MTFR1: variants seen among roughly 807,000 people sequenced by gnomAD.
The protein encoded by MTFR1 is chondrocyte protein with a poly-proline region.
A neutral mutation model predicts 38.8 loss-of-function variants in MTFR1; 28 were observed. That is an observed-to-expected ratio of 0.72 (90% CI 0.53 to 0.99). The LOEUF (loss-of-function observed/expected upper bound fraction) is 0.99, where lower values mean the gene tolerates loss of function less well. MTFR1 is among the 50% of genes least tolerant of loss of function. The pLI is 0.00. For synonymous variants in MTFR1, 145 were observed against 137.0 expected (o/e 1.06, Z -0.41); for missense variants, 358 against 395.5 (o/e 0.91, Z 0.81).
rs141929984 is a variant in MTFR1, at chr8:65,752,870, T to TA, written c.*49-18076dup. On this transcript the variant is annotated intron_variant, in intron 3 of 3. Coordinates refer to the MTFR1 transcript ENST00000521247. Reference sequence around the variant, plus strand: ...GTTTGCTTTTCTCATTTCTATCCACTATAACCATTACTGTGTTCAGTATAA... The same window carrying TA: ...GTTTGCTTTTCTCATTTCTATCCACTAATAACCATTACTGTGTTCAGTATAA... 3.3e-4 allele frequency among the ~76,000 whole-genome samples: 50 copies of TA among 152,338 alleles called. No homozygotes were observed. The East Asian group carries it at 6.5e-3, about 20-fold the overall frequency.
chr8:65,705,511 C>G (rs1053662313), intron 5 of MTFR1, among the ~76,000 whole-genome samples: 13 of 152,132 alleles, frequency 8.5e-5, no homozygotes, highest in Admixed American at 2.6e-4. Flanking sequence ...TGGATGCTTT[C>G]CTTTCTAATG....
At chr8:65,682,641 A>AT (rs1210459526) in intron 3 of MTFR1, 190 bp downstream of exon 3, 4 of 607,656 alleles carry the variant, frequency 6.6e-6, no homozygotes, top group Non-Finnish European at 8.2e-6. Flanking sequence ...CGTGATTGAG[A>AT]TTTTTAAGAT....
At chr8:65,681,216 T>A (rs1804877726) in intron 2 of MTFR1, among the ~76,000 whole-genome samples, 2 of 149,980 alleles carry the variant, frequency 1.3e-5, no homozygotes, top group Admixed American at 1.3e-4. Context: ...CCGGCCTGGG[T>A]TCAAGCAGTT....
intron 1 of MTFR1, among the ~76,000 whole-genome samples, chr8:65,669,669 G>A (rs558373098): frequency 5.6e-4 from 85 of 151,670 alleles, no homozygotes; most frequent in Non-Finnish European, 1.0e-3. Flanking sequence ...CTCCTGCCTC[G>A]GCCTCCTGAG....
downstream of MTFR1, among the ~76,000 whole-genome samples, chr8:65,773,858 T>C (rs529053720): frequency 6.6e-6 from 1 of 152,340 alleles, no homozygotes; most frequent in African/African-American, 2.4e-5. Flanking sequence ...GTTATATTTT[T>C]CGAATTCTCT....
chr8:65,724,222 ATAGAT>A, intron 3 of MTFR1: 1 of 1,334,672 alleles, frequency 7.5e-7, no homozygotes, highest in Non-Finnish European at 1.1e-6. Flanking sequence ...AATGAACTGG[ATAGAT>A]TAATTATCAC....
downstream of MTFR1, among the ~76,000 whole-genome samples, chr8:65,774,726 A>G (rs2128922169): frequency 6.6e-6 from 1 of 152,020 alleles, no homozygotes; most frequent in African/African-American, 2.4e-5. Context: ...TAAAAAATTT[A>G]TTACTATAAA....
chr8:65,767,846 G>A (rs1052946814), intron 3 of MTFR1, among the ~76,000 whole-genome samples: 2 of 152,182 alleles, frequency 1.3e-5, no homozygotes, highest in Non-Finnish European at 2.9e-5. Context: ...GTGTTTCCCT[G>A]AATTCTGTGA....
chr8:65,682,878 T>C (rs1804945470), intron 3 of MTFR1: 5 of 985,408 alleles, frequency 5.1e-6, no homozygotes, highest in East Asian at 1.1e-4. Flanking sequence ...CTTTCCGTCA[T>C]TGGTTTCAAG....
At chr8:65,760,083 T>C (rs1808420769) in intron 3 of MTFR1, among the ~76,000 whole-genome samples, 1 of 151,956 alleles carries the variant, frequency 6.6e-6, no homozygotes, top group Admixed American at 6.6e-5. Context: ...CTACTAAAAA[T>C]GCAAAAATTA....
intron 3 of MTFR1, among the ~76,000 whole-genome samples, chr8:65,729,003 T>TA (rs145357915): frequency 0.025 from 3,802 of 150,674 alleles, 168 homozygotes; most frequent in African/African-American, 0.085. Flanking sequence ...TTTCTGCTTG[T>TA]AAAAAAAAAC....
chr8:65,650,213 T>C (rs1258603612), intron 1 of MTFR1, among the ~76,000 whole-genome samples: 2 of 115,482 alleles, frequency 1.7e-5, no homozygotes, highest in Non-Finnish European at 4.1e-5. Context: ...TTATACTCTT[T>C]TTTTTTTTTT....
chr8:65,720,934 T>C (rs2129063808), intron 3 of MTFR1, among the ~76,000 whole-genome samples: 1 of 152,278 alleles, frequency 6.6e-6, no homozygotes, highest in East Asian at 1.9e-4. Context: ...TTATTATAGG[T>C]TTCATACCAT....
chr8:65,650,856 C>G (rs566672417), intron 1 of MTFR1, among the ~76,000 whole-genome samples: 2 of 152,254 alleles, frequency 1.3e-5, no homozygotes, highest in East Asian at 1.9e-4. Context: ...AGCTCTATTT[C>G]TAGTTTTTTG....
At chr8:65,744,656 A>C (rs1352941527) in intron 3 of MTFR1, among the ~76,000 whole-genome samples, 1 of 152,220 alleles carries the variant, frequency 6.6e-6, no homozygotes, top group Non-Finnish European at 1.5e-5. Context: ...TTTGGTCAGG[A>C]AACAGGCATA....
intron 2 of MTFR1, among the ~76,000 whole-genome samples, chr8:65,671,716 T>C (rs944943127): frequency 6.6e-6 from 1 of 152,206 alleles, no homozygotes; most frequent in African/African-American, 2.4e-5. Context: ...ATTGTAATTT[T>C]AGTAAGAAGT....
chr8:65,707,360 GT>G, intron 6 of MTFR1, 104 bp downstream of exon 6: 1 of 1,230,618 alleles, frequency 8.1e-7, no homozygotes, highest in Admixed American at 2.5e-5. Context: ...GCCATGAATA[GT>G]TTTTAGTTTA....
At chr8:65,763,312 T>C (rs1808603121) in intron 3 of MTFR1, among the ~76,000 whole-genome samples, 1 of 152,116 alleles carries the variant, frequency 6.6e-6, no homozygotes, top group African/African-American at 2.4e-5. Flanking sequence ...CGCCTGTTAA[T>C]CCCAGCACTT....
At chr8:65,730,136 A>T (rs1456249228) in intron 3 of MTFR1, among the ~76,000 whole-genome samples, 1 of 144,518 alleles carries the variant, frequency 6.9e-6, no homozygotes, top group Non-Finnish European at 1.5e-5. Flanking sequence ...ACCCTATTGT[A>T]AACTGTGCAT....
Sources: allele counts gnomAD v4.1 joint callset (sites outside exome capture counted in the v4.1 genomes callset), GRCh38; gene constraint gnomAD v4.1.1; transcripts MANE v1.5; gene names NCBI Gene and HGNC (gene_info 2026-07-23, HGNC 2026-07-21).